Variants in DSCAM observed in about 807,000 individuals in gnomAD.
DSCAM encodes cell adhesion molecule DSCAM.
A neutral mutation model predicts 217.7 loss-of-function variants in DSCAM; 47 were observed. The ratio of observed to expected loss-of-function variants is 0.22; its 90% confidence interval spans 0.17 to 0.28. The LOEUF is 0.28. Ranked by LOEUF, DSCAM falls within the 10% of genes least tolerant of loss-of-function variation. The pLI is 1.00. For missense variants in DSCAM, 2,080 were observed against 2,618.3 expected (o/e 0.79, Z 4.49); for synonymous variants, 1,056 against 1,015.3 (o/e 1.04, Z -0.76).
chr21:40,737,386 C>T (rs2091075175), intron 1 of DSCAM, among the ~76,000 whole-genome samples: 1 of 152,074 alleles, frequency 6.6e-6, no homozygotes. Context: ...GCCTGTAATG[C>T]CAGCATTTTA....
chr21:40,803,928 C>T (rs1027261059), intron 1 of DSCAM, among the ~76,000 whole-genome samples: 1 of 152,178 alleles, frequency 6.6e-6, no homozygotes, highest in Non-Finnish European at 1.5e-5. Context: ...TCCTGCTCTA[C>T]AAAATGACCA....
intron 32 of DSCAM, among the ~76,000 whole-genome samples, chr21:40,021,526 G>A (rs2088272948): frequency 6.6e-6 from 1 of 152,152 alleles, no homozygotes; most frequent in Non-Finnish European, 1.5e-5. Context: ...CAGATCACAG[G>A]CTGCACCCAT....
intron 20 of DSCAM, among the ~76,000 whole-genome samples, chr21:40,121,150 C>T (rs2090029111): frequency 6.6e-6 from 1 of 152,134 alleles, no homozygotes; most frequent in South Asian, 2.1e-4. Flanking sequence ...CATTCGCACA[C>T]ATAGCCAGAA....
Position 40,340,885 on chromosome 21 carries a change from A to C in DSCAM, c.1211-1470T>G, listed in dbSNP as rs542123321. Among the ~76,000 whole-genome samples, 18 of 152,304 alleles carry C rather than the reference A, an allele frequency of 1.2e-4. No individual in the cohort carries two copies. The South Asian group carries it at 2.7e-3, about 23-fold the overall frequency. ...GACACCTTTGAGGAAAGTGCCACTC[A>C]TTCCCCCAGAACCTTGGGGCCTAGT... On this transcript the variant is annotated intron_variant, in intron 6 of 32. Transcript: ENST00000400454.
At chr21:40,753,877 GAACA>G (rs2091251332) in intron 1 of DSCAM, among the ~76,000 whole-genome samples, 1 of 152,182 alleles carries the variant, frequency 6.6e-6, no homozygotes, top group Non-Finnish European at 1.5e-5. Context: ...GCCTTGTCAC[GAACA>G]AAAACTTACA....
intron 19 of DSCAM, among the ~76,000 whole-genome samples, chr21:40,128,184 C>T (rs1433144939): frequency 6.7e-6 from 1 of 149,926 alleles, no homozygotes; most frequent in Non-Finnish European, 1.5e-5. Context: ...CCATGCCCAT[C>T]CTGTTTCTCT....
chr21:40,166,178 T>TCAAA (rs984369457), intron 16 of DSCAM, among the ~76,000 whole-genome samples: 2 of 151,628 alleles, frequency 1.3e-5, no homozygotes, highest in African/African-American at 2.4e-5. Context: ...AAACAAACAA[T>TCAAA]CAAACAAACA....
intron 1 of DSCAM, among the ~76,000 whole-genome samples, chr21:40,782,480 C>G (rs899574343): frequency 6.6e-6 from 1 of 152,308 alleles, no homozygotes; most frequent in South Asian, 2.1e-4. Context: ...GAAATCCCAG[C>G]ATGTTGGGAG....
intron 20 of DSCAM, among the ~76,000 whole-genome samples, chr21:40,112,769 C>G (rs1290243602): frequency 6.6e-6 from 1 of 152,174 alleles, no homozygotes; most frequent in Non-Finnish European, 1.5e-5. Flanking sequence ...AAACTACCAT[C>G]AGAGAATACT....
intron 1 of DSCAM, among the ~76,000 whole-genome samples, chr21:40,756,042 G>C (rs919766263): frequency 1.3e-5 from 2 of 152,188 alleles, no homozygotes; most frequent in African/African-American, 4.8e-5. Context: ...ATGTGGCCCT[G>C]CCAAAAACTT....
At chr21:40,143,280 T>C (rs974463869) in intron 17 of DSCAM, among the ~76,000 whole-genome samples, 3 of 152,252 alleles carry the variant, frequency 2.0e-5, no homozygotes, top group Admixed American at 1.3e-4. Flanking sequence ...TGAGCTTTTG[T>C]AAACCTTAAA....
At chr21:40,480,877 C>T (rs2075976338) in intron 3 of DSCAM, among the ~76,000 whole-genome samples, 1 of 152,142 alleles carries the variant, frequency 6.6e-6, no homozygotes, top group African/African-American at 2.4e-5. Flanking sequence ...TTCTCTGATG[C>T]AATCAGAAAA....
chr21:40,536,068 A>C (rs1187312544), intron 3 of DSCAM, among the ~76,000 whole-genome samples: 1 of 152,214 alleles, frequency 6.6e-6, no homozygotes, highest in African/African-American at 2.4e-5. Flanking sequence ...CACATCTCTG[A>C]ATGGTGAACC....
chr21:40,406,544 C>T (rs902594201), intron 3 of DSCAM, among the ~76,000 whole-genome samples: 10 of 152,172 alleles, frequency 6.6e-5, no homozygotes, highest in African/African-American at 2.2e-4. Context: ...AAGCCAGGCA[C>T]GGAAAGACAA....
At position 40,441,616 on chromosome 21, in the gene DSCAM, T is replaced by A. The variant is rs893935949; in HGVS notation, c.509-72371A>T. Among the ~76,000 whole-genome samples the A allele has an allele frequency of 2.4e-4, 37 of 152,222 alleles. 1 individual carries two copies. Among genetic ancestry groups the A allele is most frequent in the African/African-American group, 8.9e-4 (37 of 41,458 alleles). ...AGCATCCTTTTGCCAAAATCATCAA[T>A]GAACTTCTGGTTCCAAACATAGATC... On this transcript the variant is annotated intron_variant, in intron 3 of 32. Transcript: ENST00000400454.
chr21:40,049,798 A>G (rs1256472497), intron 30 of DSCAM, among the ~76,000 whole-genome samples: 2 of 151,978 alleles, frequency 1.3e-5, no homozygotes, highest in East Asian at 3.9e-4. Context: ...ATCTGCTGTG[A>G]CTCCGGTTCA....
chr21:40,566,873 C>A (rs1338165876), intron 3 of DSCAM, among the ~76,000 whole-genome samples: 1 of 152,056 alleles, frequency 6.6e-6, no homozygotes, highest in Non-Finnish European at 1.5e-5. Flanking sequence ...CTGACAACAG[C>A]CTTGGCTTCA....
rs535164305 is a variant in DSCAM, at chr21:40,078,365, G to T, written c.4711+322C>A. Among the ~76,000 whole-genome samples the T allele has an allele frequency of 2.6e-5, 4 of 152,254 alleles. No homozygotes were observed. The South Asian group carries it at 8.3e-4, about 32-fold the overall frequency. ...AGGGGTGGGAGACAACAAAAGCAAT[G>T]TTAGCTCATAGACATCAACACAAGC... is the stretch of plus-strand genomic sequence containing the variant. On this transcript the variant is annotated intron_variant, in intron 26 of 32. Coordinates refer to ENST00000400454, the MANE Select transcript of DSCAM (RefSeq NM_001389.5).
At chr21:40,490,519 T>C (rs575062832) in intron 3 of DSCAM, among the ~76,000 whole-genome samples, 25 of 152,254 alleles carry the variant, frequency 1.6e-4, no homozygotes, top group African/African-American at 5.8e-4. Context: ...GGTAAGGGTA[T>C]GTGAGAGGAA....
Sources: allele counts gnomAD v4.1 joint callset (sites outside exome capture counted in the v4.1 genomes callset), GRCh38; gene constraint gnomAD v4.1.1; transcripts MANE v1.5; gene names NCBI Gene and HGNC (gene_info 2026-07-23, HGNC 2026-07-21).